The following NDUFA10 variants were observed in gnomAD, a reference collection of about 807,000 sequenced individuals.
NDUFA10 encodes NADH:ubiquinone oxidoreductase subunit A10.
In NDUFA10, 40 loss-of-function variants were observed where a neutral mutation model predicts 47.8. That is an observed-to-expected ratio of 0.84 (90% CI 0.65 to 1.09). NDUFA10 has a LOEUF of 1.09. Ranked by LOEUF, NDUFA10 falls within the 50% of genes least tolerant of loss-of-function variation. The probability of loss-of-function intolerance (pLI) is 0.00; values close to 1 mark genes in which losing one functional copy is unlikely to be tolerated. For synonymous variants in NDUFA10, 183 were observed against 172.2 expected (o/e 1.06, Z -0.49); for missense variants, 413 against 451.1 (o/e 0.92, Z 0.76).
intron 9 of NDUFA10, among the ~76,000 whole-genome samples, chr2:239,975,065 T>C (rs930951048): frequency 6.8e-6 from 1 of 146,252 alleles, no homozygotes; most frequent in Non-Finnish European, 1.5e-5. Context: ...CCACCAAAGA[T>C]CTGGTCATTT....
At chr2:239,895,790 T>G (rs912063062) in intron 4 of NDUFA10, among the ~76,000 whole-genome samples, 30 of 152,226 alleles carry the variant, frequency 2.0e-4, no homozygotes, top group Admixed American at 7.9e-4. Flanking sequence ...GGAAGTGCTG[T>G]GCAAAACTAA....
intron 4 of NDUFA10, among the ~76,000 whole-genome samples, chr2:239,898,078 C>T (rs1311446562): frequency 6.6e-6 from 1 of 152,170 alleles, no homozygotes; most frequent in South Asian, 2.1e-4. Flanking sequence ...CTGCAGGAAC[C>T]AACCGGGGCC....
At chr2:239,897,198 C>T (rs567617665) in intron 4 of NDUFA10, among the ~76,000 whole-genome samples, 5 of 152,288 alleles carry the variant, frequency 3.3e-5, no homozygotes, top group South Asian at 4.1e-4. Context: ...TGGAAAATTT[C>T]CCAGCATGTA....
chr2:240,004,835 A>AC (rs2106470194), intron 8 of NDUFA10, among the ~76,000 whole-genome samples: 1 of 151,648 alleles, frequency 6.6e-6, no homozygotes, highest in South Asian at 2.1e-4. Flanking sequence ...GCTACTCACC[A>AC]CCCTGTTACT....
rs143504809 is a variant in NDUFA10, at chr2:239,992,928, G to A, written c.891-2746C>T. ...TAAGCGGCATGTTTACAATAATTATGTTAGAAAATTGGTCATAATTATCAC... is the reference window on the plus strand; with the variant it reads ...TAAGCGGCATGTTTACAATAATTATATTAGAAAATTGGTCATAATTATCAC... On this transcript the variant is annotated intron_variant, in intron 8 of 9. Coordinates refer to ENST00000252711, the MANE Select transcript of NDUFA10 (RefSeq NM_004544.4). Among the ~76,000 whole-genome samples, 521 of 152,296 alleles carry A rather than the reference G, an allele frequency of 3.4e-3. 1 individual carries two copies. Among genetic ancestry groups the A allele is most frequent in the African/African-American group, 0.012 (491 of 41,532 alleles).
chr2:240,003,868 G>T (rs1469857473), intron 8 of NDUFA10, among the ~76,000 whole-genome samples: 1 of 152,134 alleles, frequency 6.6e-6, no homozygotes, highest in Non-Finnish European at 1.5e-5. Context: ...CAGAGCTGGG[G>T]ATCACCGGTG....
chr2:239,909,608 A>T, intron 4 of NDUFA10, among the ~76,000 whole-genome samples: 1 of 152,164 alleles, frequency 6.6e-6, no homozygotes, highest in South Asian at 2.1e-4. Context: ...GCAAGACTCC[A>T]TCTCAAAAAC....
Position 239,960,924 on chromosome 2 carries a change from G to A in NDUFA10, c.*194C>T. 6.7e-7 allele frequency: 1 copy of A among 1,485,230 alleles called. No homozygotes were observed. Among genetic ancestry groups the A allele is most frequent in the Non-Finnish European group, 9.0e-7 (1 of 1,114,754 alleles). The allele number at this position is 1,485,230 out of a possible 1,614,324, so 92.0% of individuals were successfully genotyped here. On this transcript the variant is annotated 3_prime_UTR_variant, in exon 10 of 10. Transcript: ENST00000252711. ...AAAGCTAAAGGGTTCCAAACATCCA[G>A]AATGGAAGCTGCTTCCCCCAACTCC...
rs1012948329 is a variant in NDUFA10, at chr2:239,960,645, T to C, written c.*473A>G. On this transcript the variant is annotated 3_prime_UTR_variant, in exon 10 of 10. Transcript: ENST00000252711. ...TCTTCAGCATAATGTAAGCCTCAAT[T>C]AAACCACACCACACCAAACAGGGCC... 1.2e-5 allele frequency: 13 copies of C among 1,054,652 alleles called. No individual in the cohort carries two copies. Among genetic ancestry groups the C allele is most frequent in the Non-Finnish European group, 1.5e-5 (13 of 869,734 alleles). 65.3% of individuals were successfully genotyped at this position (1,054,652 alleles called of 1,614,324 possible). A position where few individuals can be genotyped will look rare whatever the true frequency, so the allele number is the denominator to read the frequency against.
chr2:240,023,412 A>T (rs1697722485), intron 1 of NDUFA10, among the ~76,000 whole-genome samples: 2 of 152,242 alleles, frequency 1.3e-5, no homozygotes, highest in East Asian at 1.9e-4. Flanking sequence ...GAAATAATTT[A>T]AAAAATGATT....
chr2:239,917,578 G>A (rs112696885), intron 4 of NDUFA10, among the ~76,000 whole-genome samples: 7,152 of 152,248 alleles, frequency 0.047, 557 homozygotes, highest in African/African-American at 0.16. Context: ...CCTAGATAAC[G>A]GACATCTGGG....
chr2:239,997,820 T>C (rs1696543263), intron 8 of NDUFA10, among the ~76,000 whole-genome samples: 1 of 152,250 alleles, frequency 6.6e-6, no homozygotes, highest in Non-Finnish European at 1.5e-5. Context: ...ATCCTTCCTT[T>C]TCCTTCCAAT....
chr2:240,013,140 C>T (rs1559393721), intron 5 of NDUFA10: 1 of 152,230 alleles, frequency 6.6e-6, no homozygotes, highest in Non-Finnish European at 1.5e-5. Context: ...TTATTGATCA[C>T]TTTGACTGTT....
intron 4 of NDUFA10, among the ~76,000 whole-genome samples, chr2:239,919,515 G>A (rs1394866635): frequency 5.0e-5 from 7 of 140,300 alleles, no homozygotes; most frequent in Middle Eastern, 3.5e-3. Context: ...CATGCGGAAC[G>A]GGGTAAGTTG....
chr2:239,957,483 TTAAAGA>T lies in NDUFA10; in HGVS notation c.*3629_*3634del, dbSNP rs1163153725. The T allele has an allele frequency of 1.3e-5, 2 of 152,154 alleles. No individual in the cohort carries two copies. Among genetic ancestry groups the T allele is most frequent in the Non-Finnish European group, 2.9e-5 (2 of 68,040 alleles). The allele number at this position is 152,154 out of a possible 1,614,324, so 9.4% of individuals were successfully genotyped here. On this transcript the variant is annotated 3_prime_UTR_variant, in exon 10 of 10. Transcript: ENST00000252711. ...AACTAGGGAGCTTCAGAATTTTAAT[TTAAAGA>T]TAAAAAGTGTTCACTTGTGAAAAAT... is the stretch of plus-strand genomic sequence containing the variant.
chr2:240,004,664 G>C (rs1696876607), intron 8 of NDUFA10, among the ~76,000 whole-genome samples: 1 of 148,276 alleles, frequency 6.7e-6, no homozygotes, highest in Admixed American at 6.6e-5. Flanking sequence ...ACTTTTTCTG[G>C]CCACACTGGC....
intron 8 of NDUFA10, among the ~76,000 whole-genome samples, chr2:239,995,698 A>G (rs764748520): frequency 6.6e-6 from 1 of 152,164 alleles, no homozygotes. Context: ...CCCAATTACT[A>G]CTTACTATCT....
intron 4 of NDUFA10, among the ~76,000 whole-genome samples, chr2:240,015,634 C>A (rs1697315965): frequency 6.6e-6 from 1 of 152,332 alleles, no homozygotes; most frequent in Admixed American, 6.5e-5. Flanking sequence ...CCAGGGGGCA[C>A]CCGCAGGGCC....
chr2:240,004,885 G>A (rs1317199522), intron 8 of NDUFA10, among the ~76,000 whole-genome samples: 1 of 152,136 alleles, frequency 6.6e-6, no homozygotes, highest in Non-Finnish European at 1.5e-5. Context: ...ACCTGACGCA[G>A]TTTTATCTAT....
Sources: gnomAD v4.1 joint callset for allele counts (sites outside exome capture counted in the v4.1 genomes callset) on GRCh38, gnomAD v4.1.1 for gene constraint, MANE v1.5 for transcripts, NCBI Gene and HGNC (gene_info 2026-07-23, HGNC 2026-07-21) for gene names.